The following MATN2 variants were observed in gnomAD, a reference collection of about 807,000 sequenced individuals.
The protein encoded by MATN2 is matrilin 2, also known as matrilin-2.
MATN2 carries 69 observed loss-of-function variants against 103.2 expected under a neutral mutation model. The observed-to-expected ratio is 0.67, with a 90% CI of 0.55 to 0.82. MATN2 has a LOEUF of 0.82. Ranked by LOEUF, MATN2 falls within the 40% of genes least tolerant of loss-of-function variation. The probability of loss-of-function intolerance (pLI) is 0.00; values close to 1 mark genes in which losing one functional copy is unlikely to be tolerated. For missense variants in MATN2, 1,023 were observed against 1,211.5 expected, an observed-to-expected ratio of 0.84 and a Z score of 2.31; for synonymous variants, 429 against 450.2, an observed-to-expected ratio of 0.95 and a Z score of 0.60.
intron 3 of MATN2, among the ~76,000 whole-genome samples, chr8:97,935,592 A>G (rs1407430166): frequency 6.6e-6 from 1 of 152,166 alleles, no homozygotes; most frequent in African/African-American, 2.4e-5. Flanking sequence ...ATCATAGCTC[A>G]CTACCGCCTC....
intron 2 of MATN2, among the ~76,000 whole-genome samples, chr8:97,923,177 G>C (rs1213913699): frequency 6.7e-6 from 1 of 149,822 alleles, no homozygotes; most frequent in Non-Finnish European, 1.5e-5. Context: ...ATCATGGCTT[G>C]CTGTCTCTCT....
intron 2 of MATN2, among the ~76,000 whole-genome samples, chr8:97,913,958 G>C (rs985737092): frequency 4.6e-5 from 7 of 152,180 alleles, no homozygotes; most frequent in African/African-American, 1.7e-4. Flanking sequence ...AGGTAGAGGA[G>C]TTGAACACCA....
intron 1 of MATN2, among the ~76,000 whole-genome samples, chr8:97,878,851 C>CAA (rs200870362): frequency 6.9e-6 from 1 of 145,752 alleles, no homozygotes; most frequent in African/African-American, 2.5e-5. Flanking sequence ...AACTCCATCT[C>CAA]AAAAAAAAAA....
At chr8:98,013,520 A>C (rs1813247770) in intron 10 of MATN2, among the ~76,000 whole-genome samples, 2 of 152,230 alleles carry the variant, frequency 1.3e-5, no homozygotes, top group South Asian at 4.1e-4. Flanking sequence ...GTTAGGTGCC[A>C]GGCATTATGG....
At chr8:97,904,481 T>C (rs1304151932) in intron 2 of MATN2, among the ~76,000 whole-genome samples, 3 of 152,226 alleles carry the variant, frequency 2.0e-5, no homozygotes, top group African/African-American at 7.2e-5. Flanking sequence ...CACAAAGTTC[T>C]TAGGAAAAAT....
intron 2 of MATN2, among the ~76,000 whole-genome samples, chr8:97,895,882 G>A (rs1818790850): frequency 6.6e-6 from 1 of 152,248 alleles, no homozygotes; most frequent in Non-Finnish European, 1.5e-5. Flanking sequence ...TGCAAACCTA[G>A]ACAGAAAAGG....
intron 4 of MATN2, among the ~76,000 whole-genome samples, chr8:97,956,322 C>T (rs1811143832): frequency 6.6e-6 from 1 of 152,128 alleles, no homozygotes; most frequent in Non-Finnish European, 1.5e-5. Context: ...GGATTACAGG[C>T]ACCTGCCACC....
chr8:97,910,034 C>T (rs1322924775), intron 2 of MATN2, among the ~76,000 whole-genome samples: 2 of 150,962 alleles, frequency 1.3e-5, no homozygotes, highest in African/African-American at 2.4e-5. Context: ...CCGCTCACCT[C>T]GGCCTCCCAA....
chr8:97,949,893 C>A (rs1810887055), intron 4 of MATN2, among the ~76,000 whole-genome samples: 1 of 152,250 alleles, frequency 6.6e-6, no homozygotes, highest in African/African-American at 2.4e-5. Flanking sequence ...ATGAAAGAAA[C>A]CAGACCCAAA....
At chr8:97,984,907 C>T (rs1448782094) in intron 6 of MATN2, among the ~76,000 whole-genome samples, 1 of 152,082 alleles carries the variant, frequency 6.6e-6, no homozygotes, top group African/African-American at 2.4e-5. Context: ...TAATACTAGT[C>T]TTTGATTAAA....
chr8:97,934,750 A>G (rs1252971575), intron 3 of MATN2, among the ~76,000 whole-genome samples: 1 of 152,226 alleles, frequency 6.6e-6, no homozygotes, highest in African/African-American at 2.4e-5. Flanking sequence ...AGAGAAAAGG[A>G]GCAGGTAGGG....
chr8:98,020,020 C>T (rs1293166526), intron 12 of MATN2, among the ~76,000 whole-genome samples: 3 of 152,186 alleles, frequency 2.0e-5, no homozygotes, highest in Non-Finnish European at 4.4e-5. Context: ...GTACCCTGGC[C>T]TAACTCTGCA....
chr8:97,892,446 A>G (rs1173064232), intron 2 of MATN2, among the ~76,000 whole-genome samples: 1 of 149,196 alleles, frequency 6.7e-6, no homozygotes, highest in African/African-American at 2.5e-5. Context: ...AAAGAAGAGT[A>G]GCACCGTTTT....
chr8:97,908,257 CA>C (rs547826140), intron 2 of MATN2, among the ~76,000 whole-genome samples: 163 of 141,396 alleles, frequency 1.2e-3, no homozygotes, highest in East Asian at 1.6e-3. Flanking sequence ...AACTCTATCT[CA>C]AAAAAAAAAA....
chr8:97,998,897 G>A (rs978038775), intron 7 of MATN2, among the ~76,000 whole-genome samples: 7 of 152,008 alleles, frequency 4.6e-5, no homozygotes. Flanking sequence ...TAGTCCAGTG[G>A]TATTAAGCAC....
In MATN2 at chr8:98,021,332, G is replaced by A; in HGVS notation, c.1942+5G>A. 6.2e-7 allele frequency: 1 copy of A among 1,612,554 alleles called. No homozygotes were observed. Among genetic ancestry groups the A allele is most frequent in the Non-Finnish European group, 8.5e-7 (1 of 1,179,084 alleles). On this transcript the variant is annotated splice_donor_5th_base_variant and intron_variant, in intron 13 of 18. Transcript: ENST00000254898. Reference sequence around the variant, plus strand: ...AGGACGGAAGACGGTGCAAGAGTAAGTGATCTGAACTTGGCTCTCTGCTTT... The same window carrying A: ...AGGACGGAAGACGGTGCAAGAGTAAATGATCTGAACTTGGCTCTCTGCTTT...
intron 2 of MATN2, among the ~76,000 whole-genome samples, chr8:97,929,875 A>G (rs1326721108): frequency 6.6e-6 from 1 of 152,218 alleles, no homozygotes; most frequent in Non-Finnish European, 1.5e-5. Flanking sequence ...GAGTTACATA[A>G]TATGATGCTA....
chr8:98,018,165 C>T (rs776538056), intron 12 of MATN2, 49 bp downstream of exon 12: 1 of 1,608,030 alleles, frequency 6.2e-7, no homozygotes, highest in South Asian at 1.1e-5. Flanking sequence ...TGGACTCAGA[C>T]AGTTAGAGAA....
chr8:97,903,619 A>G, intron 2 of MATN2, among the ~76,000 whole-genome samples: 1 of 152,132 alleles, frequency 6.6e-6, no homozygotes, highest in East Asian at 1.9e-4. Flanking sequence ...CCTAGGCGGG[A>G]ACTGGGAAGT....
Sources: gnomAD v4.1 joint callset for allele counts (sites outside exome capture counted in the v4.1 genomes callset) on GRCh38, gnomAD v4.1.1 for gene constraint, MANE v1.5 for transcripts, NCBI Gene and HGNC (gene_info 2026-07-23, HGNC 2026-07-21) for gene names.